Variants in ANKS1B observed in about 807,000 individuals in gnomAD.
ANKS1B encodes the protein ankyrin repeat and sterile alpha motif domain containing 1B, also known as ankyrin repeat and sterile alpha motif domain-containing protein 1B.
In ANKS1B, 36 loss-of-function variants were observed where a neutral mutation model predicts 148.3. The ratio of observed to expected loss-of-function variants is 0.24; its 90% CI spans 0.19 to 0.32. The LOEUF is 0.32. Among genes scored for constraint, ANKS1B ranks in the 10% least tolerant of loss-of-function variants. The pLI, the probability that ANKS1B is intolerant of heterozygous loss-of-function variation, is 1.00. For synonymous variants in ANKS1B, 542 were observed against 560.8 expected, an observed-to-expected ratio of 0.97 and a Z score of 0.47; for missense variants, 1,157 against 1,542.6, an observed-to-expected ratio of 0.75 and a Z score of 4.19.
At chr12:99,229,449 A>G (rs2086478746) in intron 14 of ANKS1B, among the ~76,000 whole-genome samples, 1 of 151,902 alleles carries the variant, frequency 6.6e-6, no homozygotes, top group Non-Finnish European at 1.5e-5. Flanking sequence ...ATATTCCTAT[A>G]TGTGATATTT....
intron 17 of ANKS1B, among the ~76,000 whole-genome samples, chr12:98,835,033 G>A (rs1334079241): frequency 6.6e-6 from 1 of 151,886 alleles, no homozygotes; most frequent in Non-Finnish European, 1.5e-5. Flanking sequence ...TCATGCTGAT[G>A]GTACTACCTT....
intron 17 of ANKS1B, among the ~76,000 whole-genome samples, chr12:98,910,743 A>G (rs2099785617): frequency 6.6e-6 from 1 of 152,216 alleles, no homozygotes; most frequent in Non-Finnish European, 1.5e-5. Context: ...AATGAAGCCA[A>G]CACCATCCAA....
chr12:99,170,490 T>C (rs2077633107), intron 14 of ANKS1B, among the ~76,000 whole-genome samples: 1 of 152,176 alleles, frequency 6.6e-6, no homozygotes, highest in Admixed American at 6.5e-5. Flanking sequence ...TGAAATGAAA[T>C]AGCACGTGAA....
intron 10 of ANKS1B, among the ~76,000 whole-genome samples, chr12:99,484,884 C>T (rs1380033147): frequency 7.3e-5 from 11 of 150,716 alleles, no homozygotes; most frequent in Middle Eastern, 3.2e-3. Flanking sequence ...ACCCTTTTGC[C>T]CTCAGTTTAT....
At position 98,833,266 on chromosome 12, in the gene ANKS1B, C is replaced by G. The variant is rs574586747; in HGVS notation, c.2779-1130G>C. Among the ~76,000 whole-genome samples the G allele has an allele frequency of 3.6e-4, 55 of 152,306 alleles. 1 individual carries two copies. The highest frequency in any genetic ancestry group is 1.3e-3 in the African/African-American group (52 of 41,562). ...AGTGGTTAAGTCACCTACCCAAGAG[C>G]CAGCATGTCGTGGCTCTGGGATTTG... On this transcript the variant is annotated intron_variant, in intron 17 of 26. Coordinates refer to ENST00000683438, the MANE Select transcript of ANKS1B (RefSeq NM_001352186.2).
At chr12:99,323,875 A>G (rs1200603179) in intron 12 of ANKS1B, among the ~76,000 whole-genome samples, 1 of 152,048 alleles carries the variant, frequency 6.6e-6, no homozygotes, top group Non-Finnish European at 1.5e-5. Context: ...TTAAATTCTC[A>G]TCTTGCTTCA....
At chr12:99,522,207 T>G (rs1283558960) in intron 9 of ANKS1B, among the ~76,000 whole-genome samples, 1 of 152,178 alleles carries the variant, frequency 6.6e-6, no homozygotes, top group East Asian at 1.9e-4. Flanking sequence ...TAGGACTGTG[T>G]TCTCTGCCTT....
At chr12:99,943,007 A>T (rs1352446) in intron 1 of ANKS1B, among the ~76,000 whole-genome samples, 92,312 of 151,968 alleles carry the variant, frequency 0.61, 29,233 homozygotes, top group African/African-American at 0.7. Flanking sequence ...GACTTTGATT[A>T]AATGGAAAAG....
intron 19 of ANKS1B, among the ~76,000 whole-genome samples, chr12:98,824,382 G>C (rs1040092781): frequency 6.6e-6 from 1 of 152,198 alleles, no homozygotes; most frequent in South Asian, 2.1e-4. Flanking sequence ...TACAACCACC[G>C]GAGCACTTGC....
intron 19 of ANKS1B, among the ~76,000 whole-genome samples, chr12:98,821,909 G>T (rs1478010931): frequency 7.1e-6 from 1 of 140,728 alleles, no homozygotes; most frequent in Non-Finnish European, 1.5e-5. Context: ...TGCCTGGCCT[G>T]GGACTTTTTT....
intron 20 of ANKS1B, among the ~76,000 whole-genome samples, chr12:98,805,678 A>G (rs2099045655): frequency 6.6e-6 from 1 of 152,224 alleles, no homozygotes; most frequent in South Asian, 2.1e-4. Context: ...TGCAGCTTTT[A>G]AACTTTGCAT....
intron 12 of ANKS1B, among the ~76,000 whole-genome samples, chr12:99,326,361 T>C (rs2086297478): frequency 6.6e-6 from 1 of 152,038 alleles, no homozygotes; most frequent in Non-Finnish European, 1.5e-5. Context: ...AGCAGAAAAA[T>C]GCCCAGAAGC....
intron 12 of ANKS1B, among the ~76,000 whole-genome samples, chr12:99,358,140 C>T (rs149091426): frequency 1.5e-3 from 228 of 151,934 alleles, no homozygotes; most frequent in African/African-American, 5.2e-3. Flanking sequence ...ACATTTACTT[C>T]TTAATTTTCA....
chr12:99,084,380 T>C (rs1472385281), intron 16 of ANKS1B, among the ~76,000 whole-genome samples: 10 of 152,160 alleles, frequency 6.6e-5, no homozygotes, highest in African/African-American at 2.4e-4. Context: ...ATCTGAAGCT[T>C]CCCTGGTGGC....
Position 98,945,759 on chromosome 12 carries a change from T to C in ANKS1B, c.2778+107398A>G, listed in dbSNP as rs12316861. Among the ~76,000 whole-genome samples, 758 of 152,280 alleles carry C rather than the reference T, an allele frequency of 5.0e-3. 3 individuals carry two copies. The highest frequency in any genetic ancestry group is 0.017 in the African/African-American group (723 of 41,556). ...GACTGCCACACTCAAGCTGGGCGTT[T>C]GTGCAATCCACATCAACACTTCCAA... On this transcript the variant is annotated intron_variant, in intron 17 of 26. Coordinates refer to ENST00000683438, the MANE Select transcript of ANKS1B (RefSeq NM_001352186.2).
chr12:98,827,032 T>C (rs748438102), intron 19 of ANKS1B, among the ~76,000 whole-genome samples: 5 of 152,148 alleles, frequency 3.3e-5, no homozygotes, highest in Non-Finnish European at 5.9e-5. Context: ...GTCACATAAA[T>C]TGAATTATTC....
chr12:99,275,196 T>C (rs2077523783), intron 12 of ANKS1B, among the ~76,000 whole-genome samples: 1 of 152,326 alleles, frequency 6.6e-6, no homozygotes, highest in Non-Finnish European at 1.5e-5. Context: ...CTTTGTTTTA[T>C]AAACAATTTA....
At chr12:99,067,061 TCTGA>T (rs2044596110) in intron 16 of ANKS1B, among the ~76,000 whole-genome samples, 1 of 152,214 alleles carries the variant, frequency 6.6e-6, no homozygotes, top group Non-Finnish European at 1.5e-5. Flanking sequence ...AATCTGGCAC[TCTGA>T]CTGTGCCCTG....
intron 17 of ANKS1B, among the ~76,000 whole-genome samples, chr12:98,857,584 T>C (rs1007789656): frequency 6.6e-6 from 1 of 152,006 alleles, no homozygotes; most frequent in African/African-American, 2.4e-5. Flanking sequence ...TAACAGAACA[T>C]GCCTTGTTAC....
Sources: allele counts gnomAD v4.1 joint callset (sites outside exome capture counted in the v4.1 genomes callset), GRCh38; gene constraint gnomAD v4.1.1; transcripts MANE v1.5; gene names NCBI Gene and HGNC (gene_info 2026-07-23, HGNC 2026-07-21).